Variants in TMEM132C observed in about 807,000 individuals in gnomAD.
TMEM132C encodes the protein transmembrane protein 132C, also known as protein phosphatase 1, regulatory subunit 152.
TMEM132C carries 29 observed loss-of-function variants against 61.4 expected under a neutral mutation model. That is an observed-to-expected ratio of 0.47 (90% CI 0.35 to 0.64). The LOEUF is 0.64. Among genes scored for constraint, TMEM132C ranks in the 30% least tolerant of loss-of-function variants. The pLI, the probability that TMEM132C is intolerant of heterozygous loss-of-function variation, is 0.00. For missense variants in TMEM132C, 1,408 were observed against 1,476.9 expected, an observed-to-expected ratio of 0.95 and a Z score of 0.76; for synonymous variants, 656 against 633.1, an observed-to-expected ratio of 1.04 and a Z score of -0.54.
At position 128,414,749 on chromosome 12, in the gene TMEM132C, G is replaced by A. The variant is rs1177757050; in HGVS notation, c.103G>A (p.Val35Ile). The change falls in exon 2 of 9, where the codon GTC becomes ATC. Residue 35 changes from valine to isoleucine, a missense_variant. By Grantham distance (29) the Val-to-Ile change is conservative. Coordinates refer to ENST00000435159, the MANE Select transcript of TMEM132C (RefSeq NM_001136103.3). ...LLGKVIEGHGVTDNIQRFSSL... is the reference protein window; with the variant it reads ...LLGKVIEGHGITDNIQRFSSL... ...CTTTTTAGTGATAGAGGGTCACGGGGTCACAGACAACATACAGAGATTCTC... is the reference window on the plus strand; with the variant it reads ...CTTTTTAGTGATAGAGGGTCACGGGATCACAGACAACATACAGAGATTCTC... The A allele has an allele frequency of 1.3e-6, 2 of 1,530,300 alleles. No homozygotes were observed. The highest frequency in any genetic ancestry group is 1.8e-6 in the Non-Finnish European group (2 of 1,141,616). The allele number at this position is 1,530,300 out of a possible 1,614,324, so 94.8% of individuals were successfully genotyped here.
At chr12:128,665,238 C>T (rs973567595) in intron 4 of TMEM132C, among the ~76,000 whole-genome samples, 1 of 149,542 alleles carries the variant, frequency 6.7e-6, no homozygotes, top group Admixed American at 6.7e-5. Context: ...CACACAGGCT[C>T]GCACACACAT....
rs35380407 is a variant in TMEM132C, at chr12:128,701,246, T to TAA, written c.2122-3831_2122-3830dup. 6.1e-3 allele frequency among the ~76,000 whole-genome samples: 873 copies of TAA among 143,220 alleles called. 9 individuals are homozygous for TAA. The highest frequency in any genetic ancestry group is 0.019 in the African/African-American group (735 of 39,090). The allele number at this position is 143,220 out of a possible 152,430, so 94.0% of individuals were successfully genotyped here. A position where few individuals can be genotyped will look rare whatever the true frequency, so the allele number is the denominator to read the frequency against. On this transcript the variant is annotated intron_variant, in intron 8 of 8. Coordinates refer to ENST00000435159, the MANE Select transcript of TMEM132C (RefSeq NM_001136103.3). ...GAGTGACCTTGGGCAAAAAATAAGT[T>TAA]AAAAAAAAAAAAAAGCAAAGTTGAT...
At chr12:128,563,113 G>A (rs1444018440) in intron 3 of TMEM132C, among the ~76,000 whole-genome samples, 2 of 152,222 alleles carry the variant, frequency 1.3e-5, no homozygotes, top group African/African-American at 4.8e-5. Flanking sequence ...TAGCTGCAAG[G>A]GAAGCAAGGA....
At chr12:128,268,930 G>A (rs1400367285) in intron 1 of TMEM132C, among the ~76,000 whole-genome samples, 1 of 118,116 alleles carries the variant, frequency 8.5e-6, no homozygotes, top group Non-Finnish European at 1.7e-5. Flanking sequence ...GAGAGGGTGG[G>A]GCGAGAGAGG....
intron 3 of TMEM132C, among the ~76,000 whole-genome samples, chr12:128,558,445 G>A (rs1874403230): frequency 6.6e-6 from 1 of 152,170 alleles, no homozygotes; most frequent in Admixed American, 6.5e-5. Flanking sequence ...TGCACATGCT[G>A]TCTTACCTGC....
At chr12:128,462,461 G>GGT (rs1437988004) in intron 2 of TMEM132C, among the ~76,000 whole-genome samples, 1 of 152,126 alleles carries the variant, frequency 6.6e-6, no homozygotes, top group African/African-American at 2.4e-5. Flanking sequence ...GAGCATTCCT[G>GGT]GTTTCCCTTG....
chr12:128,691,104 G>A (rs1954716197), intron 5 of TMEM132C, among the ~76,000 whole-genome samples: 1 of 152,228 alleles, frequency 6.6e-6, no homozygotes, highest in Non-Finnish European at 1.5e-5. Context: ...TTATAGCTTA[G>A]TATGCTAAGT....
At chr12:128,447,396 A>G (rs564239354) in intron 2 of TMEM132C, among the ~76,000 whole-genome samples, 1 of 152,322 alleles carries the variant, frequency 6.6e-6, no homozygotes, top group South Asian at 2.1e-4. Flanking sequence ...CCATCAGGGA[A>G]GGAAATGGAT....
intron 3 of TMEM132C, among the ~76,000 whole-genome samples, chr12:128,582,966 T>G (rs1212268871): frequency 6.6e-6 from 1 of 152,180 alleles, no homozygotes; most frequent in African/African-American, 2.4e-5. Flanking sequence ...GAAAGCAATT[T>G]GGAATTTTCC....
At chr12:128,569,411 AC>A (rs1874800717) in intron 3 of TMEM132C, among the ~76,000 whole-genome samples, 1 of 152,196 alleles carries the variant, frequency 6.6e-6, no homozygotes, top group Non-Finnish European at 1.5e-5. Context: ...TGCCTTTCTT[AC>A]AAAGACAGAT....
At chr12:128,522,817 T>C (rs545351409) in intron 2 of TMEM132C, among the ~76,000 whole-genome samples, 4 of 152,288 alleles carry the variant, frequency 2.6e-5, no homozygotes, top group Non-Finnish European at 4.4e-5. Flanking sequence ...TTAAATAGGC[T>C]ACTCTTGGTT....
intron 2 of TMEM132C, among the ~76,000 whole-genome samples, chr12:128,443,158 GAGAC>G (rs889195850): frequency 6.6e-6 from 1 of 152,134 alleles, no homozygotes; most frequent in African/African-American, 2.4e-5. Flanking sequence ...GAGAGAGAGA[GAGAC>G]AGAGAAGCAA....
At chr12:128,360,274 A>ACC (rs1235119126) in intron 1 of TMEM132C, among the ~76,000 whole-genome samples, 40 of 132,826 alleles carry the variant, frequency 3.0e-4, no homozygotes, top group African/African-American at 1.0e-3. Context: ...ACACACACAC[A>ACC]CACACACCCC....
rs375244288 is a variant in TMEM132C at position 128,697,087 on chromosome 12, G to T, written c.1930-137G>T. 4.5e-5 allele frequency: 30 copies of T among 669,826 alleles called. 1 individual carries two copies. In the South Asian group the frequency reaches 6.9e-4, roughly 15 times the overall value. 41.5% of individuals were successfully genotyped at this position (669,826 alleles called of 1,614,324 possible). On this transcript the variant is annotated intron_variant, in intron 7 of 8. Transcript: ENST00000435159. ...GGCATGGGATGGGCCAGCATATAGA[G>T]TGAAGTAGATATGTAACTCCTTTGC...
At chr12:128,312,939 GT>G (rs1367026959) in intron 1 of TMEM132C, among the ~76,000 whole-genome samples, 1 of 152,180 alleles carries the variant, frequency 6.6e-6, no homozygotes, top group East Asian at 1.9e-4. Flanking sequence ...TTGTTTTTGT[GT>G]TTCCCCAGTG....
chr12:128,287,676 A>T (rs529012945), intron 1 of TMEM132C, among the ~76,000 whole-genome samples: 1 of 152,182 alleles, frequency 6.6e-6, no homozygotes, highest in African/African-American at 2.4e-5. Context: ...CTATGGTACT[A>T]TTATGTATCT....
intron 2 of TMEM132C, among the ~76,000 whole-genome samples, chr12:128,525,344 T>G (rs4882774): frequency 1.4e-5 from 2 of 139,850 alleles, no homozygotes; most frequent in East Asian, 4.3e-4. Context: ...CTCTCTCTCT[T>G]TCTCTCTCTC....
chr12:128,607,248 G>A (rs1876457370), intron 3 of TMEM132C, among the ~76,000 whole-genome samples: 1 of 152,162 alleles, frequency 6.6e-6, no homozygotes, highest in Admixed American at 6.5e-5. Context: ...GGAGGCCAGT[G>A]GGGCTGGAGG....
At chr12:128,315,038 T>TTACC (rs1872105051) in intron 1 of TMEM132C, among the ~76,000 whole-genome samples, 1 of 152,216 alleles carries the variant, frequency 6.6e-6, no homozygotes, top group African/African-American at 2.4e-5. Context: ...AGGCAATATG[T>TTACC]TACCCAGAGG....
Sources: allele counts gnomAD v4.1 joint callset (sites outside exome capture counted in the v4.1 genomes callset), GRCh38; gene constraint gnomAD v4.1.1; transcripts MANE v1.5; gene names NCBI Gene and HGNC (gene_info 2026-07-23, HGNC 2026-07-21).